Variants in CFAP95 observed in about 807,000 individuals in gnomAD.
The protein encoded by CFAP95 is cilia and flagella associated protein 95, also known as cilia- and flagella-associated protein 95.
the CFAP95 span, among the ~76,000 whole-genome samples, chr9:69,830,736 C>T: frequency 7.2e-5 from 11 of 152,298 alleles, no homozygotes; most frequent in South Asian, 2.1e-4. Context: ...TAACTTCAAA[C>T]GTTTGGGCTC....
the CFAP95 span, among the ~76,000 whole-genome samples, chr9:69,889,978 A>G: frequency 6.6e-6 from 1 of 152,196 alleles, no homozygotes; most frequent in East Asian, 1.9e-4. Flanking sequence ...CAGTTGGCCA[A>G]TGAATGTTGA....
At chr9:69,847,081 T>C in the CFAP95 span, among the ~76,000 whole-genome samples, 2 of 152,138 alleles carry the variant, frequency 1.3e-5, no homozygotes, top group African/African-American at 4.8e-5. Flanking sequence ...TCATGCCTGA[T>C]ATGGCACAGC....
chr9:69,863,605 C>G, the CFAP95 span, among the ~76,000 whole-genome samples: 4 of 152,120 alleles, frequency 2.6e-5, no homozygotes, highest in Non-Finnish European at 5.9e-5. Flanking sequence ...GTCCATAGAA[C>G]CAGATGATTG....
the CFAP95 span, among the ~76,000 whole-genome samples, chr9:69,830,223 C>T: frequency 5.3e-5 from 8 of 152,162 alleles, no homozygotes; most frequent in Non-Finnish European, 1.0e-4. Flanking sequence ...TCTGGCTCAA[C>T]AAATTCCAGG....
At chr9:69,837,971 C>T in the CFAP95 span, among the ~76,000 whole-genome samples, 7 of 152,310 alleles carry the variant, frequency 4.6e-5, no homozygotes, top group East Asian at 1.3e-3. Flanking sequence ...TTTCCCAGCA[C>T]CATTTATTAA....
chr9:69,830,115 T>C, the CFAP95 span, among the ~76,000 whole-genome samples: 1 of 152,288 alleles, frequency 6.6e-6, no homozygotes, highest in Admixed American at 6.5e-5. Flanking sequence ...CTTCATCTTG[T>C]TGTGGAAGAG....
chr9:69,847,527 A>G, the CFAP95 span, among the ~76,000 whole-genome samples: 1 of 152,182 alleles, frequency 6.6e-6, no homozygotes, highest in Admixed American at 6.5e-5. Flanking sequence ...TTACCCTGCT[A>G]CACTGCACCT....
chr9:69,902,407 A>T, the CFAP95 span: 1 of 427,706 alleles, frequency 2.3e-6, no homozygotes, highest in Non-Finnish European at 4.6e-6. Flanking sequence ...GATTACAAGG[A>T]TATTGTCTTG....
the CFAP95 span, among the ~76,000 whole-genome samples, chr9:69,833,339 T>A: frequency 2.0e-5 from 3 of 152,198 alleles, no homozygotes; most frequent in African/African-American, 7.2e-5. Context: ...TTATCAATAC[T>A]TCATTTCTTT....
At chr9:69,836,529 C>A in the CFAP95 span, among the ~76,000 whole-genome samples, 1 of 152,024 alleles carries the variant, frequency 6.6e-6, no homozygotes, top group East Asian at 1.9e-4. Context: ...AGATTGAAAA[C>A]CACTGGTCTA....
At chr9:69,834,885 A>G in the CFAP95 span, among the ~76,000 whole-genome samples, 159 of 152,300 alleles carry the variant, frequency 1.0e-3, 2 homozygotes, top group East Asian at 0.027. Context: ...AGAACATAAG[A>G]TTTTCTTTAT....
chr9:69,858,912 A>T, the CFAP95 span, among the ~76,000 whole-genome samples: 1 of 152,326 alleles, frequency 6.6e-6, no homozygotes, highest in African/African-American at 2.4e-5. Flanking sequence ...TTCTAAACAT[A>T]AACTTTCATT....
At chr9:69,829,041 T>A in the CFAP95 span, among the ~76,000 whole-genome samples, 9 of 152,204 alleles carry the variant, frequency 5.9e-5, no homozygotes, top group Non-Finnish European at 1.3e-4. Context: ...TAATTGTTAG[T>A]TTATGTTGGG....
the CFAP95 span, among the ~76,000 whole-genome samples, chr9:69,832,979 T>G: frequency 6.6e-6 from 1 of 152,210 alleles, no homozygotes; most frequent in South Asian, 2.1e-4. Flanking sequence ...GTTTTTCTTC[T>G]ATTTTGATGG....
chr9:69,827,048 T>C, the CFAP95 span, among the ~76,000 whole-genome samples: 2 of 152,298 alleles, frequency 1.3e-5, no homozygotes, highest in African/African-American at 4.8e-5. Context: ...AAGGGTATAA[T>C]ATATACTTCT....
the CFAP95 span, among the ~76,000 whole-genome samples, chr9:69,889,766 T>C: frequency 6.6e-6 from 1 of 152,142 alleles, no homozygotes; most frequent in Non-Finnish European, 1.5e-5. Context: ...ACATTAGAAG[T>C]AGCATTAATC....
At chr9:69,900,187 A>G in the CFAP95 span, among the ~76,000 whole-genome samples, 2,154 of 152,192 alleles carry the variant, frequency 0.014, 57 homozygotes, top group African/African-American at 0.049. Flanking sequence ...CTCCTAGATC[A>G]TCAAACCTGA....
the CFAP95 span, among the ~76,000 whole-genome samples, chr9:69,900,465 T>C: frequency 2.6e-5 from 4 of 152,238 alleles, no homozygotes; most frequent in Admixed American, 2.6e-4. Flanking sequence ...GTCTACCTCA[T>C]TGCTCTTTTC....
At chr9:69,839,685 C>G in the CFAP95 span, among the ~76,000 whole-genome samples, 1 of 151,404 alleles carries the variant, frequency 6.6e-6, no homozygotes, top group Non-Finnish European at 1.5e-5. Context: ...CCTCAGCCTC[C>G]CAAAGTGCTG....
Sources: allele counts gnomAD v4.1 joint callset (sites outside exome capture counted in the v4.1 genomes callset), GRCh38; gene constraint gnomAD v4.1.1; transcripts MANE v1.5; gene names NCBI Gene and HGNC (gene_info 2026-07-23, HGNC 2026-07-21).